Variants in ADCY8 observed in about 807,000 individuals in gnomAD.
ADCY8 encodes adenylate cyclase 8.
ADCY8 carries 51 observed loss-of-function variants against 119.7 expected under a neutral mutation model. That is an observed-to-expected ratio of 0.43 (90% CI 0.34 to 0.54). The LOEUF (loss-of-function observed/expected upper bound fraction) is 0.54, where lower values mean the gene tolerates loss of function less well. Ranked by LOEUF, ADCY8 falls within the 20% of genes least tolerant of loss-of-function variation. The pLI is 0.03. For synonymous variants in ADCY8, 665 were observed against 651.0 expected (o/e 1.02, Z -0.33); for missense variants, 1,383 against 1,598.8 (o/e 0.87, Z 2.30).
chr8:131,015,946 TAC>T (rs1206322305), intron 1 of ADCY8, among the ~76,000 whole-genome samples: 1 of 152,172 alleles, frequency 6.6e-6, no homozygotes, highest in Non-Finnish European at 1.5e-5. Flanking sequence ...CAAACATCAA[TAC>T]ACAGTTATTG....
intron 2 of ADCY8, among the ~76,000 whole-genome samples, chr8:130,955,339 T>C (rs1821395354): frequency 6.6e-6 from 1 of 152,148 alleles, no homozygotes; most frequent in Non-Finnish European, 1.5e-5. Flanking sequence ...AGAAGTAGTT[T>C]CTCAAGGTTA....
chr8:131,039,129 G>A (rs1343625277), intron 1 of ADCY8, among the ~76,000 whole-genome samples: 1 of 152,216 alleles, frequency 6.6e-6, no homozygotes, highest in African/African-American at 2.4e-5. Context: ...TGATGTCAGA[G>A]TAGAATTACT....
chr8:131,013,615 G>A (rs772579825), intron 1 of ADCY8, among the ~76,000 whole-genome samples: 28 of 152,210 alleles, frequency 1.8e-4, no homozygotes, highest in Admixed American at 7.9e-4. Context: ...GTGTCAAGGA[G>A]GTAGTGTCAG....
intron 1 of ADCY8, among the ~76,000 whole-genome samples, chr8:131,013,074 G>C (rs1823360584): frequency 6.6e-6 from 1 of 152,150 alleles, no homozygotes; most frequent in East Asian, 1.9e-4. Context: ...TGTTGATAAT[G>C]ACTACCCATA....
At chr8:130,916,081 G>A (rs1018275967) in intron 5 of ADCY8, among the ~76,000 whole-genome samples, 1 of 152,328 alleles carries the variant, frequency 6.6e-6, no homozygotes, top group South Asian at 2.1e-4. Flanking sequence ...ACAAGTGAGA[G>A]AACTGAGTCA....
chr8:130,957,338 G>C (rs1563744757), intron 2 of ADCY8, among the ~76,000 whole-genome samples: 1 of 152,194 alleles, frequency 6.6e-6, no homozygotes, highest in East Asian at 1.9e-4. Context: ...TTGAACTTGA[G>C]AGAAATGATT....
chr8:131,004,578 C>T (rs1823056427), intron 1 of ADCY8, among the ~76,000 whole-genome samples: 1 of 152,216 alleles, frequency 6.6e-6, no homozygotes, highest in Non-Finnish European at 1.5e-5. Context: ...CTGTTAGCCC[C>T]AGTGCTTTGC....
chr8:130,848,531 T>G (rs924841025), intron 10 of ADCY8, among the ~76,000 whole-genome samples: 4 of 152,314 alleles, frequency 2.6e-5, no homozygotes, highest in Admixed American at 2.6e-4. Flanking sequence ...GTAAGGTAAT[T>G]ACTGGGCCAA....
Position 130,950,486 on chromosome 8 carries a change from G to C in ADCY8, c.1241+1382C>G, listed in dbSNP as rs937831466. On this transcript the variant is annotated intron_variant, in intron 3 of 17. Coordinates refer to ENST00000286355, the MANE Select transcript of ADCY8 (RefSeq NM_001115.3). ...GGAATTGCAGTGGTGGCTGTGTCAG[G>C]GTTTGGGGGCTGGTTTGGGGACAGG... Among the ~76,000 whole-genome samples the C allele has an allele frequency of 2.6e-5, 4 of 152,168 alleles. No homozygotes were observed. In the South Asian group the frequency reaches 6.2e-4, roughly 24 times the overall value.
chr8:131,014,949 A>T (rs35687211), intron 1 of ADCY8, among the ~76,000 whole-genome samples: 3,712 of 152,278 alleles, frequency 0.024, 49 homozygotes, highest in East Asian at 0.057. Context: ...GGTTATTGTG[A>T]CAATGTCATT....
chr8:130,868,570 A>T (rs1426448628), intron 8 of ADCY8, among the ~76,000 whole-genome samples: 1 of 152,162 alleles, frequency 6.6e-6, no homozygotes, highest in East Asian at 1.9e-4. Context: ...TTCATTGTCT[A>T]GCTTTAAAAG....
chr8:130,943,333 A>T lies in ADCY8; in HGVS notation c.1353+18T>A, dbSNP rs1469639952. The T allele has an allele frequency of 6.3e-7, 1 of 1,576,818 alleles. No individual in the cohort carries two copies. The highest frequency in any genetic ancestry group is 8.7e-7 in the Non-Finnish European group (1 of 1,146,442). ...CTCACTCCTGCAAAAGACGAGGAGG[A>T]AATTAAATTCAACTCACATGGGCCA... On this transcript the variant is annotated intron_variant, in intron 4 of 17. Coordinates refer to ENST00000286355, the MANE Select transcript of ADCY8 (RefSeq NM_001115.3).
At chr8:131,019,265 A>G (rs752472790) in intron 1 of ADCY8, among the ~76,000 whole-genome samples, 8 of 152,216 alleles carry the variant, frequency 5.3e-5, no homozygotes, top group Non-Finnish European at 1.0e-4. Context: ...AATGAGATAA[A>G]TTATGTTTAA....
chr8:130,930,656 C>T (rs561002334), intron 5 of ADCY8, among the ~76,000 whole-genome samples: 20 of 152,172 alleles, frequency 1.3e-4, no homozygotes, highest in Non-Finnish European at 1.8e-4. Context: ...AAGCTGATGG[C>T]AACTTAACTT....
Position 130,849,650 on chromosome 8 carries a change from G to C in ADCY8, c.2364C>G (p.Ile788Met). ...AATTAATCAAAATGGATGCAAAGAT[G>C]ATGACGTTCCGGGCCAAATAGGTCT... ...INETYLARNV[I>M]IFASILINFL... Residue 788 changes from isoleucine (I) to methionine (M), a missense_variant, in exon 10 of 18, where the codon ATC (isoleucine) becomes ATG (methionine). Physicochemically the swap from Ile to Met is conservative, Grantham distance 10. This residue lies in a region of ADCY8 where 928 missense variants were observed against 1,163.5 expected (regional missense o/e 0.80). Coordinates refer to ENST00000286355, the MANE Select transcript of ADCY8 (RefSeq NM_001115.3). 1 of 1,614,034 alleles carries C rather than the reference G, an allele frequency of 6.2e-7. No homozygotes were observed. Among genetic ancestry groups the C allele is most frequent in the Non-Finnish European group, 8.5e-7 (1 of 1,179,924 alleles).
intron 1 of ADCY8, among the ~76,000 whole-genome samples, chr8:131,036,865 A>G (rs1030438058): frequency 3.3e-5 from 5 of 152,170 alleles, no homozygotes; most frequent in South Asian, 2.1e-4. Context: ...ATGGTTGGAG[A>G]GAGAAGAAGC....
chr8:130,843,410 G>A (rs1817205425), intron 11 of ADCY8, among the ~76,000 whole-genome samples: 2 of 152,138 alleles, frequency 1.3e-5, no homozygotes, highest in Non-Finnish European at 2.9e-5. Flanking sequence ...AGAGTAGTAT[G>A]TTCTGCAGAC....
intron 5 of ADCY8, among the ~76,000 whole-genome samples, chr8:130,918,249 T>C (rs1395321970): frequency 1.3e-5 from 2 of 152,120 alleles, no homozygotes; most frequent in African/African-American, 4.8e-5. Context: ...CAGGATCAGG[T>C]TCTGGTGAGG....
At chr8:130,820,531 A>G (rs1465009976) in intron 13 of ADCY8, among the ~76,000 whole-genome samples, 1 of 152,204 alleles carries the variant, frequency 6.6e-6, no homozygotes, top group Non-Finnish European at 1.5e-5. Context: ...CCTGGAGAAG[A>G]CCTACTGGTC....
Sources: allele counts gnomAD v4.1 joint callset (sites outside exome capture counted in the v4.1 genomes callset), GRCh38; gene constraint gnomAD v4.1.1; regional missense constraint gnomAD v4.1.1; transcripts MANE v1.5; gene names NCBI Gene and HGNC (gene_info 2026-07-23, HGNC 2026-07-21).